Variants in ACAD10 observed in about 807,000 individuals in gnomAD.
ACAD10 encodes the protein ACAD-10.
Under a neutral mutation model 116.8 loss-of-function variants are expected in ACAD10, and 112 were observed. That is an observed-to-expected ratio of 0.96 (90% CI 0.82 to 1.12). The LOEUF (loss-of-function observed/expected upper bound fraction) is 1.12. ACAD10 is among the 50% of genes most tolerant of loss of function. ACAD10 has a pLI of 0.00. For synonymous variants in ACAD10, 486 were observed against 510.6 expected (o/e 0.95, Z 0.65); for missense variants, 1,259 against 1,350.2 (o/e 0.93, Z 1.06).
intron 13 of ACAD10, 129 bp from the exon 14 acceptor site, chr12:111,746,015 A>G: frequency 8.3e-7 from 1 of 1,202,316 alleles, no homozygotes; most frequent in South Asian, 1.6e-5. Context: ...TCCTCATATC[A>G]TTTTTTTGGG....
chr12:111,715,624 T>A (rs1888818029), intron 6 of ACAD10, 197 bp from the exon 7 acceptor site: 3 of 615,778 alleles, frequency 4.9e-6, no homozygotes, highest in Non-Finnish European at 8.4e-6. Flanking sequence ...TGGCATGTGA[T>A]CCTGGACCTG....
intron 7 of ACAD10, among the ~76,000 whole-genome samples, chr12:111,719,948 C>T (rs1169128461): frequency 6.6e-6 from 1 of 151,834 alleles, no homozygotes; most frequent in East Asian, 1.9e-4. Context: ...AGGATGGTCT[C>T]GATCTCCTGA....
At chr12:111,694,149 T>C (rs1888131456) in intron 2 of ACAD10, among the ~76,000 whole-genome samples, 1 of 152,172 alleles carries the variant, frequency 6.6e-6, no homozygotes, top group Non-Finnish European at 1.5e-5. Flanking sequence ...GTGTCTAGGC[T>C]TTCCAGCACT....
chr12:111,748,657 T>A, intron 17 of ACAD10, 182 bp downstream of exon 17: 1 of 707,512 alleles, frequency 1.4e-6, no homozygotes. Flanking sequence ...CAGGCGGATT[T>A]CAGACAGGCA....
Position 111,756,528 on chromosome 12 carries a change from T to C in ACAD10, c.*55T>C. 3 of 1,595,340 alleles carry C rather than the reference T, an allele frequency of 1.9e-6. No individual in the cohort carries two copies. The highest frequency in any genetic ancestry group is 1.7e-4 in the Middle Eastern group (1 of 6,002). On this transcript the variant is annotated 3_prime_UTR_variant, in exon 21 of 21. Transcript: ENST00000313698. ...TGGCTGGTCCAGCTGTGCCCAGATCTGTCACTGATGTGCCTCGAAAGATCC... is the reference window on the plus strand; with the variant it reads ...TGGCTGGTCCAGCTGTGCCCAGATCCGTCACTGATGTGCCTCGAAAGATCC...
At chr12:111,733,902 A>G (rs1309458316) in intron 10 of ACAD10, 21 bp from the exon 11 acceptor site, 3 of 1,613,894 alleles carry the variant, frequency 1.9e-6, no homozygotes, top group African/African-American at 1.3e-5. Context: ...TGCTGTCTCT[A>G]TTCCTCCTGC....
At chr12:111,702,121 G>A (rs767126301) in intron 2 of ACAD10, 41 bp from the exon 3 acceptor site, 1 of 1,599,444 alleles carries the variant, frequency 6.3e-7, no homozygotes, top group South Asian at 1.1e-5. Context: ...ACCCCAGCAT[G>A]TATCAATGTA....
chr12:111,741,181 A>G (rs766791665), intron 12 of ACAD10, among the ~76,000 whole-genome samples: 1 of 152,248 alleles, frequency 6.6e-6, no homozygotes, highest in African/African-American at 2.4e-5. Context: ...GAATTTCTGG[A>G]AACAATATTT....
In ACAD10 at chr12:111,756,411, G is replaced by A. The variant is rs142030532; in HGVS notation, c.3118G>A (p.Asp1040Asn). The A allele has an allele frequency of 2.5e-4, 409 of 1,612,378 alleles. No individual in the cohort carries two copies. The highest frequency in any genetic ancestry group is 1.5e-3 in the Middle Eastern group (9 of 6,058). Residue 1040 changes from aspartate to asparagine, a missense_variant, in exon 21 of 21, where the codon GAC becomes AAC. Coordinates refer to ENST00000313698, the MANE Select transcript of ACAD10 (RefSeq NM_025247.6). The stretch of plus-strand genomic sequence containing the variant: ...CTGGGCCCGAGCCCTGCGCTTTGCC[G>A]ACGGCCCTGACGAGGTGCACCGGGC... ...FTWARALRFA[D>N]GPDEVHRATV...
chr12:111,694,384 A>T, intron 2 of ACAD10, among the ~76,000 whole-genome samples: 1 of 152,166 alleles, frequency 6.6e-6, no homozygotes, highest in East Asian at 1.9e-4. Flanking sequence ...CAGATAGCTG[A>T]ATCTGTTCTT....
chr12:111,732,733 G>A (rs1023170423), intron 10 of ACAD10, among the ~76,000 whole-genome samples: 4 of 152,218 alleles, frequency 2.6e-5, no homozygotes, highest in African/African-American at 4.8e-5. Flanking sequence ...TCAATATAGC[G>A]TGGTTTAGAG....
Position 111,706,083 on chromosome 12 carries a change from A to T in ACAD10, c.531+151A>T, listed in dbSNP as rs1023583077. The stretch of plus-strand genomic sequence containing the variant: ...TTAGGTTTAAATGCAATATGTTGAA[A>T]ACAGACCCTTTAAGATATCACTGTG... On this transcript the variant is annotated intron_variant, in intron 4 of 20. Transcript: ENST00000313698. 4 of 781,060 alleles carry T rather than the reference A, an allele frequency of 5.1e-6. No homozygotes were observed. In the African/African-American group the frequency reaches 7.0e-5, roughly 14 times the overall value. The allele number at this position is 781,060 out of a possible 1,614,324, so 48.4% of individuals were successfully genotyped here.
chr12:111,726,872 T>C (rs1014934957), intron 8 of ACAD10, among the ~76,000 whole-genome samples: 1 of 150,896 alleles, frequency 6.6e-6, no homozygotes, highest in Non-Finnish European at 1.5e-5. Context: ...ACAACAAAGC[T>C]CAGAGAGGTT....
intron 1 of ACAD10, among the ~76,000 whole-genome samples, chr12:111,686,990 T>C (rs1229018960): frequency 1.3e-5 from 2 of 152,160 alleles, no homozygotes; most frequent in Non-Finnish European, 2.9e-5. Context: ...GAGGATGAAA[T>C]GGAATTATGT....
At chr12:111,730,694 T>C (rs1376077143) in intron 10 of ACAD10, among the ~76,000 whole-genome samples, 1 of 152,124 alleles carries the variant, frequency 6.6e-6, no homozygotes, top group African/African-American at 2.4e-5. Context: ...ATCTGGGGAC[T>C]CAGGCCTTTT....
At chr12:111,748,811 C>T in intron 17 of ACAD10, 1 of 591,398 alleles carries the variant, frequency 1.7e-6, no homozygotes, top group Non-Finnish European at 2.9e-6. Context: ...TAGGCCACAG[C>T]CCTGGTTTGG....
chr12:111,715,894 TCTAGTTCTGAGGAAGAAGCCCCCAGGGA>T lies in ACAD10; in HGVS notation c.926_953del (p.Leu309HisfsTer9). On this transcript the variant is annotated frameshift_variant, in exon 7 of 21. Coordinates refer to ENST00000313698, the MANE Select transcript of ACAD10 (RefSeq NM_025247.6). LOFTEE classifies it high-confidence loss of function. The stretch of plus-strand genomic sequence containing the variant: ...ACTACATCAGGCTGGCTAATCGTGA[TCTAGTTCTGAGGAAGAAGCCCCCAGGGA>T]CACTCCTTCCATCTGCCCATGCCAT... 6.2e-7 allele frequency: 1 copy of T among 1,614,132 alleles called. No individual in the cohort carries two copies. The highest frequency in any genetic ancestry group is 2.2e-5 in the East Asian group (1 of 44,880).
chr12:111,733,777 G>A, intron 10 of ACAD10, 146 bp from the exon 11 acceptor site: 2 of 898,106 alleles, frequency 2.2e-6, no homozygotes, highest in Non-Finnish European at 1.7e-6. Context: ...AGCCTTTGGA[G>A]CACACAGCCC....
Position 111,744,565 on chromosome 12 carries a change from T to A in ACAD10, c.1715-78T>A, listed in dbSNP as rs1889834025. 3 of 1,521,814 alleles carry A rather than the reference T, an allele frequency of 2.0e-6. No homozygotes were observed. In the South Asian group the frequency reaches 3.8e-5, roughly 19 times the overall value. 94.3% of individuals were successfully genotyped at this position (1,521,814 alleles called of 1,614,324 possible). ...CAGCAAATGGCAATAGCTGCTGAAG[T>A]GACAGTGTCATCACATGTTAACATC... is the stretch of plus-strand genomic sequence containing the variant. On this transcript the variant is annotated intron_variant, in intron 12 of 20. Transcript: ENST00000313698.
Sources: gnomAD v4.1 joint callset for allele counts (sites outside exome capture counted in the v4.1 genomes callset) on GRCh38, gnomAD v4.1.1 for gene constraint, MANE v1.5 for transcripts, NCBI Gene and HGNC (gene_info 2026-07-23, HGNC 2026-07-21) for gene names.